The following PCDHGA1 variants were observed in gnomAD, a reference collection of about 807,000 sequenced individuals.
PCDHGA1 encodes the protein protocadherin gamma-A1.
Under a neutral mutation model 58.0 loss-of-function variants are expected in PCDHGA1, and 32 were observed. That is an observed-to-expected ratio of 0.55 (90% CI 0.42 to 0.74). The LOEUF is 0.74. PCDHGA1 is among the 30% of genes least tolerant of loss of function. The probability of loss-of-function intolerance (pLI) is 0.00; values close to 1 mark genes in which losing one functional copy is unlikely to be tolerated. For synonymous variants in PCDHGA1, 498 were observed against 501.1 expected, an observed-to-expected ratio of 0.99 and a Z score of 0.08; for missense variants, 1,205 against 1,182.3, an observed-to-expected ratio of 1.02 and a Z score of -0.28.
chr5:141,475,768 G>A (rs756539564), intron 1 of PCDHGA1, among the ~76,000 whole-genome samples: 5 of 152,280 alleles, frequency 3.3e-5, no homozygotes, highest in South Asian at 2.1e-4. Flanking sequence ...TACTGGCAAG[G>A]CGCTTTGGCT....
intron 1 of PCDHGA1, chr5:141,344,836 A>G (rs1757480684): frequency 6.2e-7 from 1 of 1,613,768 alleles, no homozygotes; most frequent in African/African-American, 1.3e-5. Flanking sequence ...AATGCCACTG[A>G]CCCTGACGAG....
Position 141,477,230 on chromosome 5 carries a change from G to A in PCDHGA1, c.2422-17577G>A, listed in dbSNP as rs768648952. The A allele has an allele frequency of 1.3e-5, 21 of 1,614,164 alleles. No individual in the cohort carries two copies. The highest frequency in any genetic ancestry group is 1.8e-5 in the Non-Finnish European group (21 of 1,180,046). On this transcript the variant is annotated intron_variant, in intron 1 of 3. Coordinates refer to ENST00000517417, the MANE Select transcript of PCDHGA1 (RefSeq NM_018912.3). This position sits in a 1 kb window ranked among gnomAD's most constrained non-coding sequence, Gnocchi z 4.9. ...GGATGCCCCTCTGGGGACTGTCATC[G>A]CTTTGCTCAGTGTGACTGACCTGGA...
rs2472647 is a variant in PCDHGA1, at chr5:141,331,138, G to A, written c.454G>A (p.Val152Ile). Residue 152 changes from valine to isoleucine, a missense_variant, in exon 1 of 4, where the codon GTC becomes ATC. Transcript: ENST00000517417. Reference sequence around the variant, plus strand: ...TGAAATAACGACTCCAGGTACCAGAGTCTCATTGCCTTTTGGGCAAGACCT... The same window carrying A: ...TGAAATAACGACTCCAGGTACCAGAATCTCATTGCCTTTTGGGCAAGACCT... ...MNEITTPGTR[V>I]SLPFGQDLDV... 1,563,647 of 1,614,178 alleles carry A rather than the reference G, an allele frequency of 0.97. 757,973 individuals are homozygous for A. The highest frequency in any genetic ancestry group is 0.98 in the Admixed American group (58,800 of 60,028).
intron 1 of PCDHGA1, chr5:141,427,812 G>T: frequency 6.6e-7 from 1 of 1,524,404 alleles, no homozygotes; most frequent in Non-Finnish European, 9.0e-7. Flanking sequence ...CGCACAGAGC[G>T]GGGTGGTGGT....
At chr5:141,427,100 T>G (rs1270371842) in intron 1 of PCDHGA1, 1 of 458,010 alleles carries the variant, frequency 2.2e-6, no homozygotes, top group Non-Finnish European at 4.4e-6. Flanking sequence ...AGGGTGTCAA[T>G]GCGGAGATCA....
intron 1 of PCDHGA1, among the ~76,000 whole-genome samples, chr5:141,380,822 T>G (rs1446261285): frequency 1.3e-5 from 2 of 152,212 alleles, no homozygotes; most frequent in African/African-American, 4.8e-5. Flanking sequence ...AACTATGAAT[T>G]TTGAGGCATC....
chr5:141,389,840 C>T (rs2150401266), intron 1 of PCDHGA1: 2 of 1,614,048 alleles, frequency 1.2e-6, no homozygotes, highest in Non-Finnish European at 8.5e-7. Context: ...AGCCACCACT[C>T]TCGGCCACTG....
At position 141,477,019 on chromosome 5, in the gene PCDHGA1, C is replaced by T. The variant is rs148675327; in HGVS notation, c.2422-17788C>T. 1.9e-5 allele frequency: 30 copies of T among 1,614,242 alleles called. No individual in the cohort carries two copies. Among genetic ancestry groups the T allele is most frequent in the Non-Finnish European group, 2.5e-5 (30 of 1,180,048 alleles). On this transcript the variant is annotated intron_variant, in intron 1 of 3. Transcript: ENST00000517417. This position sits in a 1 kb window ranked among gnomAD's most constrained non-coding sequence, Gnocchi z 4.9. ...AACTATTCGCCTTAGACCTTGTAAC[C>T]GGGATGCTGACAATCAAGGGTCGGC...
chr5:141,388,144 G>A (rs1327741980), intron 1 of PCDHGA1: 2 of 1,458,202 alleles, frequency 1.4e-6, no homozygotes, highest in Non-Finnish European at 9.5e-7. Flanking sequence ...TTGCTTGTGA[G>A]CAGCAGGCTA....
chr5:141,482,032 C>T (rs1370023352), intron 1 of PCDHGA1, among the ~76,000 whole-genome samples: 1 of 151,018 alleles, frequency 6.6e-6, no homozygotes, highest in African/African-American at 2.4e-5. Flanking sequence ...TTGCAGTGAG[C>T]CAAGATCATG....
intron 1 of PCDHGA1, chr5:141,352,026 C>T (rs1186654120): frequency 9.9e-6 from 16 of 1,609,158 alleles, no homozygotes; most frequent in Non-Finnish European, 1.4e-5. Flanking sequence ...AAGGTGGTGG[C>T]GGTGGACGCA....
chr5:141,341,543 G>A, intron 1 of PCDHGA1: 1 of 1,450,458 alleles, frequency 6.9e-7, no homozygotes, highest in African/African-American at 1.4e-5. Flanking sequence ...TTCTTGGTAG[G>A]TCTTAGTGTT....
rs571984924 is a variant in PCDHGA1 at position 141,383,845 on chromosome 5, G to T, written c.2421+50740G>T. ...AGATTATGAAGAAACTGCCTTCTAT[G>T]AAATGGAGGTTCAGGCTCAAGATGG... On this transcript the variant is annotated intron_variant, in intron 1 of 3. Coordinates refer to ENST00000517417, the MANE Select transcript of PCDHGA1 (RefSeq NM_018912.3). The T allele has an allele frequency of 1.6e-4, 259 of 1,613,938 alleles. 1 individual carries two copies. The South Asian group carries it at 2.6e-3, about 16-fold the overall frequency.
chr5:141,364,166 C>A, intron 1 of PCDHGA1: 2 of 715,060 alleles, frequency 2.8e-6, no homozygotes, highest in Non-Finnish European at 4.1e-6. Context: ...AGAGGCGACC[C>A]GACTCTGCTC....
In PCDHGA1 at chr5:141,419,578, G is replaced by A. The variant is rs1339676992; in HGVS notation, c.2422-75229G>A. The A allele has an allele frequency of 1.9e-6, 3 of 1,611,604 alleles. No individual in the cohort carries two copies. In the Admixed American group the frequency reaches 5.0e-5, roughly 27 times the overall value. On this transcript the variant is annotated intron_variant, in intron 1 of 3. Transcript: ENST00000517417. ...CTGCGCTGGGTCCCGACGGCTCCGC[G>A]CTCTTCGACACAGTGCCGCGGGCCG...
At chr5:141,413,958 G>C in intron 1 of PCDHGA1, 1 of 1,613,392 alleles carries the variant, frequency 6.2e-7, no homozygotes, top group African/African-American at 1.3e-5. Flanking sequence ...ATTTGCCTGT[G>C]GGCACTCAGC....
chr5:141,431,320 C>T lies in PCDHGA1; in HGVS notation c.2422-63487C>T. On this transcript the variant is annotated intron_variant, in intron 1 of 3. Coordinates refer to ENST00000517417, the MANE Select transcript of PCDHGA1 (RefSeq NM_018912.3). The surrounding 1 kb of genome is among the most constrained non-coding windows in gnomAD (Gnocchi z 4.8). ...CCCTCATCGTGCAAAATGGAGCCGA[C>T]GGTAGTAAGTACCCCGAATTGGTGC... is the stretch of plus-strand genomic sequence containing the variant. 1 of 1,614,102 alleles carries T rather than the reference C, an allele frequency of 6.2e-7. No homozygotes were observed. Among genetic ancestry groups the T allele is most frequent in the Non-Finnish European group, 8.5e-7 (1 of 1,180,038 alleles).
At chr5:141,505,650 T>C (rs1595974645) in intron 3 of PCDHGA1, among the ~76,000 whole-genome samples, 169 bp downstream of exon 3, 1 of 152,094 alleles carries the variant, frequency 6.6e-6, no homozygotes, top group East Asian at 1.9e-4. Flanking sequence ...GAATTGTGGC[T>C]AAGGAACAGC....
chr5:141,470,969 A>C (rs62379203), intron 1 of PCDHGA1, among the ~76,000 whole-genome samples: 16,337 of 151,332 alleles, frequency 0.11, 895 homozygotes, highest in South Asian at 0.15. Flanking sequence ...CTCCCACCTC[A>C]GCCTCCCAAA....
Sources: gnomAD v4.1 joint callset for allele counts (sites outside exome capture counted in the v4.1 genomes callset) on GRCh38, gnomAD v4.1.1 for gene constraint, Gnocchi (gnomAD v3.1) non-coding constraint, MANE v1.5 for transcripts, NCBI Gene and HGNC (gene_info 2026-07-23, HGNC 2026-07-21) for gene names.